The following FOXO1 variants were observed in gnomAD, a reference collection of about 807,000 sequenced individuals.
The protein encoded by FOXO1 is forkhead box O1.
Under a neutral mutation model 44.1 loss-of-function variants are expected in FOXO1, and 6 were observed. That is an observed-to-expected ratio of 0.14 (90% CI 0.07 to 0.27). The LOEUF (loss-of-function observed/expected upper bound fraction) is 0.27, where lower values mean the gene tolerates loss of function less well. Ranked by LOEUF, FOXO1 falls within the 10% of genes least tolerant of loss-of-function variation. The pLI, the probability that FOXO1 is intolerant of heterozygous loss-of-function variation, is 1.00. For synonymous variants in FOXO1, 380 were observed against 362.7 expected, an observed-to-expected ratio of 1.05 and a Z score of -0.54; for missense variants, 737 against 888.8, an observed-to-expected ratio of 0.83 and a Z score of 2.17.
At position 40,662,478 on chromosome 13, in the gene FOXO1, A is replaced by G. The variant is rs79231584; in HGVS notation, c.630+3105T>C. Reference sequence around the variant, plus strand: ...GATTTAGAAGATCCCGGGTTTTCCAAAAGTCTTAGGTTCCACTTTGTGTGT... The same window carrying G: ...GATTTAGAAGATCCCGGGTTTTCCAGAAGTCTTAGGTTCCACTTTGTGTGT... On this transcript the variant is annotated intron_variant, in intron 1 of 2. Coordinates refer to ENST00000379561, the MANE Select transcript of FOXO1 (RefSeq NM_002015.4). Among the ~76,000 whole-genome samples, 8 of 152,348 alleles carry G rather than the reference A, an allele frequency of 5.3e-5. No homozygotes were observed. The East Asian group carries it at 1.5e-3, about 29-fold the overall frequency.
At chr13:40,649,907 C>T (rs1490592843) in intron 1 of FOXO1, among the ~76,000 whole-genome samples, 2 of 152,148 alleles carry the variant, frequency 1.3e-5, no homozygotes, top group African/African-American at 4.8e-5. Context: ...AACATTCAAA[C>T]TATTACAGGA....
intron 1 of FOXO1, among the ~76,000 whole-genome samples, chr13:40,634,273 T>C (rs1033441919): frequency 4.0e-4 from 61 of 152,196 alleles, no homozygotes; most frequent in African/African-American, 1.3e-3. Flanking sequence ...TAATCTGCAA[T>C]AGAGAACTCA....
In FOXO1 at chr13:40,665,201, C is replaced by A. The variant is rs555905930; in HGVS notation, c.630+382G>T. On this transcript the variant is annotated intron_variant, in intron 1 of 2. Coordinates refer to ENST00000379561, the MANE Select transcript of FOXO1 (RefSeq NM_002015.4). ...GGCCGGAGAGAACCCGCCCTCCCCC[C>A]GCGGAGGTCCGGGAGGGAAGGGGCA... Among the ~76,000 whole-genome samples the A allele has an allele frequency of 1.0e-3, 152 of 152,078 alleles. 2 individuals are homozygous for A. The highest frequency in any genetic ancestry group is 3.3e-3 in the African/African-American group (137 of 41,498).
intron 1 of FOXO1, among the ~76,000 whole-genome samples, chr13:40,580,151 A>T (rs1457416649): frequency 6.6e-6 from 1 of 152,208 alleles, no homozygotes; most frequent in Non-Finnish European, 1.5e-5. Flanking sequence ...TTGGGGTAAC[A>T]AACAAAAACC....
intron 1 of FOXO1, among the ~76,000 whole-genome samples, chr13:40,618,102 C>A (rs545841689): frequency 6.6e-6 from 1 of 152,088 alleles, no homozygotes; most frequent in Admixed American, 6.5e-5. Context: ...TGGTGAGACA[C>A]GGTCCCAGCT....
intron 1 of FOXO1, among the ~76,000 whole-genome samples, chr13:40,633,679 T>C (rs910223485): frequency 8.5e-5 from 13 of 152,234 alleles, no homozygotes; most frequent in African/African-American, 2.7e-4. Context: ...ATTGTGGTGA[T>C]AGTTGCCCAA....
chr13:40,637,173 G>T (rs1386600879), intron 1 of FOXO1, among the ~76,000 whole-genome samples: 2 of 152,158 alleles, frequency 1.3e-5, no homozygotes, highest in Non-Finnish European at 2.9e-5. Context: ...GCCGAGCGCG[G>T]TGGCTCACGT....
chr13:40,655,703 C>A (rs1250850298), intron 1 of FOXO1, among the ~76,000 whole-genome samples: 4 of 132,258 alleles, frequency 3.0e-5, no homozygotes, highest in African/African-American at 1.2e-4. Flanking sequence ...AGTGTCGTGG[C>A]ATAATCTCAG....
At chr13:40,650,780 AGTCTCACTCT>A (rs1877655165) in intron 1 of FOXO1, among the ~76,000 whole-genome samples, 2 of 152,112 alleles carry the variant, frequency 1.3e-5, no homozygotes, top group African/African-American at 4.8e-5. Context: ...TTTGAGATGG[AGTCTCACTCT>A]GTTACCCAGG....
chr13:40,620,249 C>T, intron 1 of FOXO1: 1 of 1,487,494 alleles, frequency 6.7e-7, no homozygotes, highest in South Asian at 1.1e-5. Flanking sequence ...AGGATCCATC[C>T]CGGAGAAAAT....
intron 1 of FOXO1, among the ~76,000 whole-genome samples, chr13:40,660,080 T>G (rs2137943430): frequency 6.6e-6 from 1 of 152,334 alleles, no homozygotes; most frequent in East Asian, 1.9e-4. Flanking sequence ...CATGTGGTCT[T>G]CTGTTTCACA....
intron 1 of FOXO1, among the ~76,000 whole-genome samples, chr13:40,586,944 T>G (rs1875190254): frequency 6.6e-6 from 1 of 152,190 alleles, no homozygotes. Flanking sequence ...AAACTGAAGA[T>G]TATACCACCA....
At chr13:40,614,171 A>T (rs1876332535) in intron 1 of FOXO1, among the ~76,000 whole-genome samples, 1 of 152,196 alleles carries the variant, frequency 6.6e-6, no homozygotes, top group East Asian at 1.9e-4. Context: ...AGTTCTGTGC[A>T]AGTCCACCCG....
At chr13:40,661,483 G>C (rs1878034779) in intron 1 of FOXO1, among the ~76,000 whole-genome samples, 1 of 152,186 alleles carries the variant, frequency 6.6e-6, no homozygotes. Flanking sequence ...TTTTAGTAGA[G>C]ATGAGGTTTC....
intron 1 of FOXO1, among the ~76,000 whole-genome samples, 159 bp from the exon 2 acceptor site, chr13:40,561,019 A>T (rs1047105569): frequency 2.0e-5 from 3 of 152,162 alleles, no homozygotes; most frequent in Non-Finnish European, 4.4e-5. Flanking sequence ...ACTACAAAAG[A>T]TCTCAAATAG....
intron 1 of FOXO1, among the ~76,000 whole-genome samples, chr13:40,661,317 C>G (rs1297769822): frequency 6.6e-6 from 1 of 151,928 alleles, no homozygotes; most frequent in Non-Finnish European, 1.5e-5. Flanking sequence ...CCTCTGTTGC[C>G]CAGGTTGGAG....
chr13:40,564,040 G>GATAAAGGGGGATAAA (rs1171063786), intron 1 of FOXO1, among the ~76,000 whole-genome samples: 1 of 152,178 alleles, frequency 6.6e-6, no homozygotes, highest in African/African-American at 2.4e-5. Context: ...TCCTGTCCCT[G>GATAAAGGGGGATAAA]TCACATTTAG....
chr13:40,586,754 C>T (rs1432433792), intron 1 of FOXO1, among the ~76,000 whole-genome samples: 1 of 152,168 alleles, frequency 6.6e-6, no homozygotes, highest in Admixed American at 6.5e-5. Context: ...CTTTTACCTG[C>T]ACAAGACTGC....
intron 1 of FOXO1, among the ~76,000 whole-genome samples, chr13:40,651,271 C>T (rs1275868365): frequency 1.3e-5 from 2 of 152,026 alleles, no homozygotes; most frequent in African/African-American, 4.8e-5. Flanking sequence ...ATAAAAAGTA[C>T]GTTCTAGGTA....
Sources: gnomAD v4.1 joint callset for allele counts (sites outside exome capture counted in the v4.1 genomes callset) on GRCh38, gnomAD v4.1.1 for gene constraint, MANE v1.5 for transcripts, NCBI Gene and HGNC (gene_info 2026-07-23, HGNC 2026-07-21) for gene names.